The following DLG2 variants were observed in gnomAD, a reference collection of about 807,000 sequenced individuals.
DLG2 encodes discs large MAGUK scaffold protein 2, also known as disks large homolog 2.
A neutral mutation model predicts 132.5 loss-of-function variants in DLG2; 45 were observed. The ratio of observed to expected loss-of-function variants is 0.34; its 90% confidence interval spans 0.27 to 0.44. DLG2 has a LOEUF of 0.44. DLG2 is among the 20% of genes least tolerant of loss of function. The pLI is 1.00. For missense variants in DLG2, 1,045 were observed against 1,196.9 expected, an observed-to-expected ratio of 0.87 and a Z score of 1.87; for synonymous variants, 424 against 419.6, an observed-to-expected ratio of 1.01 and a Z score of -0.13.
intron 6 of DLG2, among the ~76,000 whole-genome samples, chr11:85,097,778 C>T (rs1343828713): frequency 6.6e-6 from 1 of 152,120 alleles, no homozygotes; most frequent in Non-Finnish European, 1.5e-5. Context: ...ATTCTGTATA[C>T]ATAGTATGAG....
chr11:83,747,925 T>A (rs958977935), intron 18 of DLG2, among the ~76,000 whole-genome samples: 6 of 152,190 alleles, frequency 3.9e-5, no homozygotes, highest in Admixed American at 1.3e-4. Flanking sequence ...TACTAACTCC[T>A]TGTAATAATC....
At chr11:85,267,226 G>A (rs543142883) in intron 4 of DLG2, among the ~76,000 whole-genome samples, 1 of 152,312 alleles carries the variant, frequency 6.6e-6, no homozygotes, top group Admixed American at 6.5e-5. Flanking sequence ...TCTGCTATGT[G>A]AAGGTACAAC....
chr11:83,749,683 G>C (rs531306783), intron 18 of DLG2, among the ~76,000 whole-genome samples: 3 of 152,162 alleles, frequency 2.0e-5, no homozygotes, highest in Non-Finnish European at 4.4e-5. Flanking sequence ...ATCCTGAGGG[G>C]GTCTGATGAG....
At position 83,788,884 on chromosome 11, in the gene DLG2, A is replaced by G. The variant is rs556934441; in HGVS notation, c.1723-2092T>C. Among the ~76,000 whole-genome samples, 850 of 152,328 alleles carry G rather than the reference A, an allele frequency of 5.6e-3. 4 individuals carry two copies. Among genetic ancestry groups the G allele is most frequent in the Middle Eastern group, 0.031 (9 of 294 alleles). Reference sequence around the variant, plus strand: ...ATCATCTAATATTTCTTTAATCATAATTCTAGTTCCATAGGTTTTCATGTT... The same window carrying G: ...ATCATCTAATATTTCTTTAATCATAGTTCTAGTTCCATAGGTTTTCATGTT... On this transcript the variant is annotated intron_variant, in intron 17 of 27. Transcript: ENST00000376104.
intron 6 of DLG2, among the ~76,000 whole-genome samples, chr11:85,032,502 C>T (rs536119840): frequency 7.3e-4 from 111 of 152,238 alleles, no homozygotes; most frequent in African/African-American, 2.6e-3. Context: ...ATTGGATGGT[C>T]AGGTAATATA....
At chr11:84,722,479 A>G (rs1194244333) in intron 6 of DLG2, among the ~76,000 whole-genome samples, 1 of 152,144 alleles carries the variant, frequency 6.6e-6, no homozygotes, top group Non-Finnish European at 1.5e-5. Flanking sequence ...CCTTTGCCCC[A>G]CCCATATCCA....
chr11:83,908,428 C>CT (rs1345515923), intron 15 of DLG2, among the ~76,000 whole-genome samples: 2 of 151,944 alleles, frequency 1.3e-5, no homozygotes, highest in African/African-American at 4.8e-5. Flanking sequence ...TTATGACTGT[C>CT]TTTTTTTCTC....
At chr11:83,600,236 G>GGTGT (rs57674131) in intron 19 of DLG2, among the ~76,000 whole-genome samples, 9,473 of 145,508 alleles carry the variant, frequency 0.065, 373 homozygotes, top group African/African-American at 0.1. Flanking sequence ...CTAGCTATAG[G>GGTGT]GTGTGTGTGT....
chr11:85,239,435 A>C (rs1396833266), intron 4 of DLG2, among the ~76,000 whole-genome samples: 1 of 152,074 alleles, frequency 6.6e-6, no homozygotes, highest in Non-Finnish European at 1.5e-5. Flanking sequence ...TAGTATCTAC[A>C]TATACTTTAT....
rs138784290 is a variant in DLG2 at position 85,251,994 on chromosome 11, T to G, written c.186+33226A>C. 4.2e-4 allele frequency among the ~76,000 whole-genome samples: 64 copies of G among 152,298 alleles called. No individual in the cohort carries two copies. The East Asian group carries it at 0.011, about 25-fold the overall frequency. On this transcript the variant is annotated intron_variant, in intron 4 of 27. Coordinates refer to ENST00000376104, the MANE Select transcript of DLG2 (RefSeq NM_001142699.3). ...TTATTTCTTTTGTCCACCTGTGCGC[T>G]TATATAAGATAACAAAATAGCAAGA...
At chr11:83,780,456 T>C (rs1162630717) in intron 18 of DLG2, among the ~76,000 whole-genome samples, 1 of 152,246 alleles carries the variant, frequency 6.6e-6, no homozygotes, top group Non-Finnish European at 1.5e-5. Flanking sequence ...ATTATTTACA[T>C]GAGTTTCTGC....
intron 18 of DLG2, among the ~76,000 whole-genome samples, chr11:83,767,688 C>T (rs1014028979): frequency 2.0e-5 from 3 of 152,148 alleles, no homozygotes; most frequent in African/African-American, 7.2e-5. Flanking sequence ...TTAGGGATTA[C>T]ATTAATTAAT....
chr11:84,430,848 C>T (rs2098982517), intron 7 of DLG2, among the ~76,000 whole-genome samples: 1 of 152,198 alleles, frequency 6.6e-6, no homozygotes. Context: ...GGACAAACAC[C>T]TGTCCTCTCT....
At chr11:85,057,764 A>G (rs527538827) in intron 6 of DLG2, among the ~76,000 whole-genome samples, 5 of 151,750 alleles carry the variant, frequency 3.3e-5, no homozygotes, top group African/African-American at 1.2e-4. Flanking sequence ...AAACAGCTAC[A>G]TATGAAAAGA....
At chr11:83,519,385 T>C (rs2095406555) in intron 21 of DLG2, among the ~76,000 whole-genome samples, 1 of 152,240 alleles carries the variant, frequency 6.6e-6, no homozygotes, top group Non-Finnish European at 1.5e-5. Flanking sequence ...CTATTACATA[T>C]ATGGTGTTTA....
intron 16 of DLG2, among the ~76,000 whole-genome samples, chr11:83,845,589 G>T (rs1199493915): frequency 1.3e-5 from 2 of 152,176 alleles, no homozygotes; most frequent in East Asian, 3.8e-4. Context: ...CATAAGGGGG[G>T]ATCTATGCAT....
At chr11:84,821,496 A>G (rs1455520931) in intron 6 of DLG2, among the ~76,000 whole-genome samples, 1 of 151,638 alleles carries the variant, frequency 6.6e-6, no homozygotes, top group Non-Finnish European at 1.5e-5. Context: ...GTTTCACAAA[A>G]TATTATTTTA....
chr11:84,498,075 T>C (rs2099190233), intron 7 of DLG2, among the ~76,000 whole-genome samples: 1 of 152,036 alleles, frequency 6.6e-6, no homozygotes, highest in South Asian at 2.1e-4. Context: ...CTCATTGGAG[T>C]GGAAACTGGG....
intron 6 of DLG2, among the ~76,000 whole-genome samples, chr11:84,709,735 T>C (rs1277976233): frequency 1.3e-5 from 2 of 151,834 alleles, no homozygotes; most frequent in Non-Finnish European, 2.9e-5. Flanking sequence ...TTCCTCCCTT[T>C]CTCCTTTCCC....
Sources: allele counts gnomAD v4.1 joint callset (sites outside exome capture counted in the v4.1 genomes callset), GRCh38; gene constraint gnomAD v4.1.1; transcripts MANE v1.5; gene names NCBI Gene and HGNC (gene_info 2026-07-23, HGNC 2026-07-21).